RAB33A: variants seen among roughly 807,000 people sequenced by gnomAD.
RAB33A encodes the protein ras-related protein Rab-33A.
A neutral mutation model predicts 12.0 loss-of-function variants in RAB33A; 6 were observed. That is an observed-to-expected ratio of 0.50 (90% CI 0.27 to 0.99). The LOEUF is 0.99. RAB33A is among the 50% of genes least tolerant of loss of function. The pLI is 0.11. For missense variants in RAB33A, 109 were observed against 192.0 expected (o/e 0.57, Z 2.55); for synonymous variants, 70 against 82.4 (o/e 0.85, Z 0.81).
At chrX:130,137,277 A>C in the RAB33A span, 1 of 1,202,329 alleles carries the variant, frequency 8.3e-7, no homozygotes. Flanking sequence ...GGCAGCCCTC[A>C]CTACAGACAG....
the RAB33A span, among the ~76,000 whole-genome samples, chrX:130,133,138 A>G: frequency 7.6e-4 from 85 of 112,033 alleles, no homozygotes; most frequent in African/African-American, 2.6e-3. Context: ...AAAACTAAAC[A>G]GGACACTTCT....
the RAB33A span, among the ~76,000 whole-genome samples, chrX:130,114,389 A>C: frequency 9.0e-6 from 1 of 111,080 alleles, no homozygotes; most frequent in Non-Finnish European, 1.9e-5. Flanking sequence ...GGCCACCTGA[A>C]TGACCTTCCT....
chrX:130,132,224 T>A, the RAB33A span, among the ~76,000 whole-genome samples: 1 of 112,218 alleles, frequency 8.9e-6, no homozygotes, highest in African/African-American at 3.2e-5. Context: ...TCACGAGAGA[T>A]GCCAACTGAT....
chrX:130,165,458 T>C, the RAB33A span: 1 of 755,190 alleles, frequency 1.3e-6, no homozygotes, highest in African/African-American at 2.1e-5. Context: ...GTTAAGTTTC[T>C]CGCGGGGACG....
upstream of RAB33A, among the ~76,000 whole-genome samples, chrX:130,168,052 C>T (rs1299980928): frequency 9.2e-6 from 1 of 108,789 alleles, no homozygotes; most frequent in Non-Finnish European, 1.9e-5. Context: ...TGGTATGTGC[C>T]TGTGGTTCCA....
the RAB33A span, chrX:130,165,723 C>T: frequency 1.1e-6 from 1 of 922,636 alleles, no homozygotes; most frequent in South Asian, 2.1e-5. Flanking sequence ...GGGTCAAACA[C>T]CGTGAGCCCC....
At chrX:130,166,722 A>G in the RAB33A span, among the ~76,000 whole-genome samples, 128 of 112,115 alleles carry the variant, frequency 1.1e-3, 1 homozygote, top group African/African-American at 4.1e-3. Context: ...TATGAAAAGT[A>G]CGGATGGTCC....
At chrX:130,113,526 C>T in the RAB33A span, among the ~76,000 whole-genome samples, 43,929 of 107,498 alleles carry the variant, frequency 0.41, 7,691 homozygotes, top group African/African-American at 0.65. Context: ...TGGGTTCAAG[C>T]GATTCTCCTG....
the RAB33A span, among the ~76,000 whole-genome samples, chrX:130,140,859 G>A: frequency 8.9e-6 from 1 of 112,367 alleles, no homozygotes; most frequent in East Asian, 2.8e-4. Flanking sequence ...ACTCATGCCT[G>A]TAATCCCAAC....
the RAB33A span, among the ~76,000 whole-genome samples, chrX:130,158,121 G>T: frequency 9.9e-6 from 1 of 100,873 alleles, no homozygotes; most frequent in Admixed American, 1.1e-4. Flanking sequence ...AAAATTAGCC[G>T]GGCGTGGTGG....
At chrX:130,146,638 T>C in the RAB33A span, among the ~76,000 whole-genome samples, 54 of 110,168 alleles carry the variant, frequency 4.9e-4, no homozygotes, top group Non-Finnish European at 9.1e-4. Context: ...AGAAAAAAAA[T>C]TGGAACCCAA....
the RAB33A span, among the ~76,000 whole-genome samples, chrX:130,142,243 G>C: frequency 1.8e-5 from 2 of 111,613 alleles, no homozygotes; most frequent in Non-Finnish European, 1.9e-5. Flanking sequence ...AATCTAGTCA[G>C]GTTGGGTTGG....
upstream of RAB33A, among the ~76,000 whole-genome samples, chrX:130,168,074 G>A (rs909641515): frequency 9.1e-6 from 1 of 109,616 alleles, no homozygotes; most frequent in Non-Finnish European, 1.9e-5. Flanking sequence ...CTACTCAGGA[G>A]GCTGAGATGG....
intron 1 of RAB33A, among the ~76,000 whole-genome samples, chrX:130,181,454 T>G (rs1422795850): frequency 8.9e-6 from 1 of 112,279 alleles, no homozygotes; most frequent in East Asian, 2.8e-4. Context: ...GGACCATCAT[T>G]CTGAGCATGA....
chrX:130,148,791 C>T, the RAB33A span, among the ~76,000 whole-genome samples: 3 of 84,024 alleles, frequency 3.6e-5, no homozygotes, highest in Non-Finnish European at 6.5e-5. Context: ...TGAGATCGGG[C>T]CACTGCACTC....
In RAB33A at chrX:130,172,110, C is replaced by G; in HGVS notation, c.48C>G (p.Ala16=). The change falls in exon 1 of 2, where the codon GCC becomes GCG. Residue 16 remains alanine, a synonymous_variant. Transcript: ENST00000257017. ...LGHGSLQPAS[A]AGLASLELDS... ...ATGGGAGCCTGCAGCCCGCCTCGGC[C>G]GCTGGCCTGGCGTCCCTGGAGCTCG... is the stretch of plus-strand genomic sequence containing the variant. The G allele has an allele frequency of 8.3e-7, 1 of 1,211,920 alleles. No homozygotes were observed. Among genetic ancestry groups the G allele is most frequent in the Non-Finnish European group, 1.1e-6 (1 of 895,383 alleles).
the RAB33A span, among the ~76,000 whole-genome samples, chrX:130,158,734 C>T: frequency 4.1e-5 from 3 of 72,869 alleles, no homozygotes; most frequent in Non-Finnish European, 7.8e-5. Flanking sequence ...AAAAAAAAAT[C>T]GCAAAAAAAT....
At chrX:130,115,111 C>CT in the RAB33A span, among the ~76,000 whole-genome samples, 1 of 109,932 alleles carries the variant, frequency 9.1e-6, no homozygotes, top group Non-Finnish European at 1.9e-5. Context: ...GCCTTTATCT[C>CT]TTTTTTTCAA....
the RAB33A span, chrX:130,156,377 CAA>C: frequency 8.5e-7 from 1 of 1,170,589 alleles, no homozygotes; most frequent in Non-Finnish European, 1.2e-6. Context: ...GAATTAGTTG[CAA>C]AAGTTTTAAA....
Sources: gnomAD v4.1 joint callset for allele counts (sites outside exome capture counted in the v4.1 genomes callset) on GRCh38, gnomAD v4.1.1 for gene constraint, MANE v1.5 for transcripts, NCBI Gene and HGNC (gene_info 2026-07-23, HGNC 2026-07-21) for gene names.